COL11A1: variants seen among roughly 807,000 people sequenced by gnomAD.
COL11A1 encodes collagen type XI alpha 1 chain.
A neutral mutation model predicts 265.2 loss-of-function variants in COL11A1; 74 were observed. The ratio of observed to expected loss-of-function variants is 0.28; its 90% CI spans 0.23 to 0.34. COL11A1 has a LOEUF of 0.34. Ranked by LOEUF, COL11A1 falls within the 10% of genes least tolerant of loss-of-function variation. The pLI, the probability that COL11A1 is intolerant of heterozygous loss-of-function variation, is 1.00. For missense variants in COL11A1, 2,165 were observed against 2,263.6 expected (o/e 0.96, Z 0.88); for synonymous variants, 816 against 727.6 (o/e 1.12, Z -1.96).
chr1:102,976,910 T>A (rs937191766), intron 35 of COL11A1, among the ~76,000 whole-genome samples: 4 of 152,110 alleles, frequency 2.6e-5, no homozygotes, highest in African/African-American at 9.7e-5. Context: ...TATTTAACCT[T>A]TAATAACCAG....
At chr1:103,046,006 T>C (rs1669232543) in intron 4 of COL11A1, among the ~76,000 whole-genome samples, 1 of 151,506 alleles carries the variant, frequency 6.6e-6, no homozygotes, top group Admixed American at 6.6e-5. Context: ...TTTTTCTTAA[T>C]CCAGTCTATC....
intron 57 of COL11A1, among the ~76,000 whole-genome samples, chr1:102,892,432 C>T (rs897630644): frequency 3.3e-5 from 5 of 152,002 alleles, no homozygotes; most frequent in African/African-American, 1.2e-4. Context: ...GGATCTGATC[C>T]AAGCAGTATG....
At position 102,922,884 on chromosome 1, in the gene COL11A1, C is replaced by T. The variant is rs540021101; in HGVS notation, c.3654+452G>A. Among the ~76,000 whole-genome samples the T allele has an allele frequency of 2.0e-5, 3 of 152,236 alleles. No individual in the cohort carries two copies. The South Asian group carries it at 6.2e-4, about 32-fold the overall frequency. On this transcript the variant is annotated intron_variant, in intron 47 of 66. Coordinates refer to ENST00000370096, the MANE Select transcript of COL11A1 (RefSeq NM_001854.4). ...GGGGCAATGTTGAAGGAAAGGGCCA[C>T]TTAAGACATGCAGTCATCACATTTC...
At chr1:103,089,445 C>T (rs1019714879) in intron 1 of COL11A1, among the ~76,000 whole-genome samples, 1 of 152,146 alleles carries the variant, frequency 6.6e-6, no homozygotes, top group South Asian at 2.1e-4. Flanking sequence ...GCTGTATGCT[C>T]TCAGGCACAG....
In COL11A1 at chr1:103,001,667, T is replaced by C. The variant is rs12131957; in HGVS notation, c.2142+258A>G. ...GAGAAAATATTCACTCATACCGTTATGTTCCTGAAATTAACATAGCTGAGA... is the reference window on the plus strand; with the variant it reads ...GAGAAAATATTCACTCATACCGTTACGTTCCTGAAATTAACATAGCTGAGA... On this transcript the variant is annotated intron_variant, in intron 24 of 66. Transcript: ENST00000370096. 63,103 of 540,508 alleles carry C rather than the reference T, an allele frequency of 0.12. 4,510 individuals carry two copies. The highest frequency in any genetic ancestry group is 0.14 in the Admixed American group (4,305 of 29,974). The allele number at this position is 540,508 out of a possible 1,614,324, so 33.5% of individuals were successfully genotyped here. A position where few individuals can be genotyped will look rare whatever the true frequency, so the allele number is the denominator to read the frequency against.
intron 4 of COL11A1, among the ~76,000 whole-genome samples, chr1:103,049,412 G>A (rs575595187): frequency 1.0e-3 from 155 of 152,228 alleles, no homozygotes; most frequent in African/African-American, 3.4e-3. Context: ...TCAGAGACTA[G>A]CATTGCAACC....
intron 4 of COL11A1, among the ~76,000 whole-genome samples, chr1:103,071,849 T>G (rs1257698677): frequency 7.4e-5 from 9 of 121,444 alleles, no homozygotes; most frequent in African/African-American, 2.8e-4. Context: ...TACAACCACA[T>G]TTATATTACA....
At chr1:103,022,099 G>T (rs902536692) in intron 8 of COL11A1, among the ~76,000 whole-genome samples, 10 of 149,990 alleles carry the variant, frequency 6.7e-5, no homozygotes, top group East Asian at 2.0e-4. Flanking sequence ...CAGGTAATCC[G>T]CCCGCCTCTG....
At chr1:102,901,182 T>C (rs553300810) in intron 54 of COL11A1, among the ~76,000 whole-genome samples, 1 of 151,948 alleles carries the variant, frequency 6.6e-6, no homozygotes, top group East Asian at 1.9e-4. Context: ...TAGCTGGGCG[T>C]GGTGGTGGGC....
In COL11A1 at chr1:102,981,219, G is replaced by T. The variant is rs557163672; in HGVS notation, c.2557-1784C>A. 5.9e-4 allele frequency among the ~76,000 whole-genome samples: 90 copies of T among 152,184 alleles called. 3 individuals carry two copies. In the South Asian group the frequency reaches 0.018, roughly 30 times the overall value. On this transcript the variant is annotated intron_variant, in intron 31 of 66. Coordinates refer to ENST00000370096, the MANE Select transcript of COL11A1 (RefSeq NM_001854.4). ...TCAACCTGAGAACAATTATTAGGAT[G>T]TGTAATATTCACGTACTGGGGAAAA...
intron 1 of COL11A1, among the ~76,000 whole-genome samples, chr1:103,083,252 G>GTC (rs1432479949): frequency 7.5e-5 from 8 of 106,504 alleles, no homozygotes; most frequent in East Asian, 2.0e-4. Context: ...CTGTGTCTGT[G>GTC]TGTGTGTGTG....
At chr1:102,898,614 T>A (rs1570663801) in intron 56 of COL11A1, 52 bp downstream of exon 56, 10 of 1,494,952 alleles carry the variant, frequency 6.7e-6, no homozygotes, top group Non-Finnish European at 7.4e-6. Flanking sequence ...AAAATTTTTT[T>A]AAAATAAAAA....
intron 42 of COL11A1, among the ~76,000 whole-genome samples, chr1:102,943,733 A>G (rs1658980759): frequency 6.6e-6 from 1 of 152,168 alleles, no homozygotes; most frequent in Non-Finnish European, 1.5e-5. Flanking sequence ...AAGTATTTGA[A>G]GAATACTTTT....
At chr1:102,995,733 A>G in intron 28 of COL11A1, 131 bp downstream of exon 28, 1 of 765,220 alleles carries the variant, frequency 1.3e-6, no homozygotes, top group East Asian at 2.7e-5. Context: ...GATAAAGAAT[A>G]CAAAATTATA....
chr1:102,982,862 A>C (rs1296515474), intron 31 of COL11A1, among the ~76,000 whole-genome samples: 2 of 152,086 alleles, frequency 1.3e-5, no homozygotes, highest in Non-Finnish European at 2.9e-5. Flanking sequence ...TGTGAAACTT[A>C]TGAATAGACA....
At chr1:102,931,779 T>C (rs1657476979) in intron 46 of COL11A1, among the ~76,000 whole-genome samples, 1 of 151,986 alleles carries the variant, frequency 6.6e-6, no homozygotes, top group Non-Finnish European at 1.5e-5. Context: ...GGTGCTCCTG[T>C]ATTGGGTGCA....
chr1:102,961,386 G>GT (rs1029500900), intron 41 of COL11A1, among the ~76,000 whole-genome samples: 4 of 152,066 alleles, frequency 2.6e-5, no homozygotes, highest in African/African-American at 2.4e-5. Flanking sequence ...TTATGCTTAT[G>GT]TTTTTTGTAT....
chr1:102,979,174 G>C lies in COL11A1; in HGVS notation c.2611-70C>G, dbSNP rs1468931189. On this transcript the variant is annotated intron_variant, in intron 32 of 66. Transcript: ENST00000370096. Reference sequence around the variant, plus strand: ...ATTATGAGCCTGGTGCTGAGACTGAGTAGTCATGCAAGAACATCATTCATT... The same window carrying C: ...ATTATGAGCCTGGTGCTGAGACTGACTAGTCATGCAAGAACATCATTCATT... 4 of 1,408,660 alleles carry C rather than the reference G, an allele frequency of 2.8e-6. No individual in the cohort carries two copies. The South Asian group carries it at 4.6e-5, about 16-fold the overall frequency. The allele number at this position is 1,408,660 out of a possible 1,614,324, so 87.3% of individuals were successfully genotyped here.
Position 102,921,528 on chromosome 1 carries a change from T to C in COL11A1, c.3698A>G (p.Asn1233Ser), listed in dbSNP as rs778311240. The change falls in exon 48 of 67, where the codon AAT (asparagine) becomes AGT (serine). Residue 1233 changes from asparagine to serine, a missense_variant. Asn to Ser is a conservative substitution (Grantham distance 46). Transcript: ENST00000370096. The part of the protein sequence containing the change: ...PPGPRGPQGP[N>S]GADGPQGPPG... ...TTTCAGAGTTCTTACATCAGCTCCA[T>C]TGGGACCTTGAGGGCCTCTTGGGCC... is the stretch of plus-strand genomic sequence containing the variant. The C allele has an allele frequency of 2.4e-5, 38 of 1,613,064 alleles. 1 individual carries two copies. The East Asian group carries it at 6.2e-4, about 27-fold the overall frequency.
Sources: gnomAD v4.1 joint callset for allele counts (sites outside exome capture counted in the v4.1 genomes callset) on GRCh38, gnomAD v4.1.1 for gene constraint, MANE v1.5 for transcripts, NCBI Gene and HGNC (gene_info 2026-07-23, HGNC 2026-07-21) for gene names.